HS2ST1: variants seen among roughly 807,000 people sequenced by gnomAD.
HS2ST1 encodes heparan sulfate 2-O-sulfotransferase 1.
In HS2ST1, 18 loss-of-function variants were observed where a neutral mutation model predicts 42.9. That is an observed-to-expected ratio of 0.42 (90% CI 0.29 to 0.62). HS2ST1 has a LOEUF of 0.62. HS2ST1 is among the 20% of genes least tolerant of loss of function. The pLI is 0.21. For synonymous variants in HS2ST1, 146 were observed against 152.9 expected (o/e 0.95, Z 0.33); for missense variants, 334 against 433.8 (o/e 0.77, Z 2.04).
chr1:87,016,587 T>G (rs1387289835), intron 1 of HS2ST1, among the ~76,000 whole-genome samples: 1 of 152,240 alleles, frequency 6.6e-6, no homozygotes, highest in Non-Finnish European at 1.5e-5. Flanking sequence ...TAATTTGGGT[T>G]ATATGTAACT....
intron 1 of HS2ST1, among the ~76,000 whole-genome samples, chr1:87,067,447 C>A (rs1278403498): frequency 2.0e-5 from 3 of 151,978 alleles, no homozygotes; most frequent in Non-Finnish European, 2.9e-5. Flanking sequence ...TGTTTAAGTT[C>A]TTTGTAGATT....
At chr1:87,101,258 C>T (rs111811797) in intron 5 of HS2ST1, among the ~76,000 whole-genome samples, 2,215 of 149,314 alleles carry the variant, frequency 0.015, 58 homozygotes, top group African/African-American at 0.052. Context: ...CTCCGCCTCC[C>T]GGGCTCAGGC....
At chr1:87,053,058 C>T (rs529424332) in intron 1 of HS2ST1, among the ~76,000 whole-genome samples, 1 of 152,318 alleles carries the variant, frequency 6.6e-6, no homozygotes, top group African/African-American at 2.4e-5. Flanking sequence ...TGATGCATAT[C>T]AAACTCCAGT....
intron 1 of HS2ST1, among the ~76,000 whole-genome samples, chr1:86,972,580 A>G (rs1434126203): frequency 6.6e-6 from 1 of 152,176 alleles, no homozygotes; most frequent in Non-Finnish European, 1.5e-5. Context: ...AATCATAGGT[A>G]TGTATAGGAT....
intron 1 of HS2ST1, among the ~76,000 whole-genome samples, chr1:86,996,158 A>G (rs1348063775): frequency 6.6e-6 from 1 of 152,116 alleles, no homozygotes; most frequent in Non-Finnish European, 1.5e-5. Context: ...AAGAAGTACC[A>G]AAGGCCAGGT....
At chr1:87,076,807 A>G (rs1288638389) in intron 2 of HS2ST1, among the ~76,000 whole-genome samples, 1 of 152,160 alleles carries the variant, frequency 6.6e-6, no homozygotes, top group East Asian at 1.9e-4. Flanking sequence ...TTGCTCTCAT[A>G]TGTTTAGGTC....
At chr1:86,969,902 G>A (rs527353019) in intron 1 of HS2ST1, among the ~76,000 whole-genome samples, 3 of 152,054 alleles carry the variant, frequency 2.0e-5, no homozygotes, top group Non-Finnish European at 4.4e-5. Context: ...GAGGCAGGTG[G>A]TTCACCTGAA....
intron 1 of HS2ST1, among the ~76,000 whole-genome samples, chr1:86,937,597 C>T (rs1339108762): frequency 1.3e-5 from 2 of 151,994 alleles, no homozygotes; most frequent in African/African-American, 4.8e-5. Flanking sequence ...TGTGGGAATG[C>T]CTTCCTCTCC....
chr1:87,025,571 AC>A (rs1650063133), intron 1 of HS2ST1, among the ~76,000 whole-genome samples: 1 of 152,218 alleles, frequency 6.6e-6, no homozygotes. Context: ...ATATTTTAAC[AC>A]CAAATTTATG....
At chr1:86,963,066 T>C (rs1647898364) in intron 1 of HS2ST1, among the ~76,000 whole-genome samples, 1 of 152,142 alleles carries the variant, frequency 6.6e-6, no homozygotes, top group Non-Finnish European at 1.5e-5. Context: ...TCTCTATTAG[T>C]AGCTAAAAAC....
At chr1:87,019,667 C>G (rs12096102) in intron 1 of HS2ST1, among the ~76,000 whole-genome samples, 5,242 of 152,224 alleles carry the variant, frequency 0.034, 184 homozygotes, top group African/African-American at 0.088. Context: ...AGCTAAATAT[C>G]ACTTTATGAT....
intron 1 of HS2ST1, among the ~76,000 whole-genome samples, chr1:87,027,854 G>A (rs1474644015): frequency 2.0e-5 from 3 of 152,108 alleles, no homozygotes; most frequent in Non-Finnish European, 2.9e-5. Context: ...ACACCTGGCT[G>A]ATTTTTGTAT....
At chr1:86,931,911 A>C (rs1660552408) in intron 1 of HS2ST1, among the ~76,000 whole-genome samples, 1 of 152,000 alleles carries the variant, frequency 6.6e-6, no homozygotes, top group African/African-American at 2.4e-5. Flanking sequence ...TTTTAATTTA[A>C]GAAAATCTGA....
At chr1:86,995,218 C>T (rs1473209870) in intron 1 of HS2ST1, among the ~76,000 whole-genome samples, 1 of 152,084 alleles carries the variant, frequency 6.6e-6, no homozygotes, top group African/African-American at 2.4e-5. Context: ...TATTTGTTTT[C>T]AAAAGTATGC....
chr1:87,087,407 T>C (rs1651840818), intron 3 of HS2ST1, among the ~76,000 whole-genome samples: 1 of 152,086 alleles, frequency 6.6e-6, no homozygotes, highest in African/African-American at 2.4e-5. Context: ...TTCAGGCACG[T>C]ATCAGGTATG....
intron 1 of HS2ST1, among the ~76,000 whole-genome samples, chr1:86,917,531 A>AAC (rs397862010): frequency 2.6e-5 from 4 of 151,704 alleles, no homozygotes; most frequent in African/African-American, 9.7e-5. Context: ...AAAAAAAAAA[A>AAC]CCAAAGAACA....
chr1:86,934,525 T>G (rs1026421732), intron 1 of HS2ST1: 3 of 152,434 alleles, frequency 2.0e-5, no homozygotes, highest in Admixed American at 2.0e-4. Context: ...TTTCTCTTGC[T>G]GGGGTTTGTG....
chr1:86,921,843 C>A (rs1270998350), intron 1 of HS2ST1, among the ~76,000 whole-genome samples: 1 of 152,164 alleles, frequency 6.6e-6, no homozygotes, highest in Non-Finnish European at 1.5e-5. Flanking sequence ...ACAGACACTT[C>A]AGTTTTCTTT....
Position 87,040,941 on chromosome 1 carries a change from T to C in HS2ST1, c.125-31993T>C, listed in dbSNP as rs72723916. 5.5e-3 allele frequency among the ~76,000 whole-genome samples: 830 copies of C among 152,260 alleles called. 3 individuals are homozygous for C. The highest frequency in any genetic ancestry group is 8.8e-3 in the Non-Finnish European group (599 of 68,024). ...GAAGGAAAAAGAAGGGCAACCACTT[T>C]TCAGGGTTATTGAAGGAATTTACCC... is the stretch of plus-strand genomic sequence containing the variant. On this transcript the variant is annotated intron_variant, in intron 1 of 6. Coordinates refer to ENST00000370550, the MANE Select transcript of HS2ST1 (RefSeq NM_012262.4).
Sources: gnomAD v4.1 joint callset for allele counts (sites outside exome capture counted in the v4.1 genomes callset) on GRCh38, gnomAD v4.1.1 for gene constraint, MANE v1.5 for transcripts, NCBI Gene and HGNC (gene_info 2026-07-23, HGNC 2026-07-21) for gene names.